Variants in RANBP17 observed in about 807,000 individuals in gnomAD.
RANBP17 encodes the protein ran-binding protein 17.
In RANBP17, 158 loss-of-function variants were observed where a neutral mutation model predicts 141.2. That is an observed-to-expected ratio of 1.12 (90% CI 0.98 to 1.28). The LOEUF (loss-of-function observed/expected upper bound fraction) is 1.28, where lower values mean the gene tolerates loss of function less well. Ranked by LOEUF, RANBP17 falls within the 50% of genes most tolerant of loss-of-function variation. The probability of loss-of-function intolerance (pLI) is 0.00; values close to 1 mark genes in which losing one functional copy is unlikely to be tolerated. For missense variants in RANBP17, 1,438 were observed against 1,290.7 expected, an observed-to-expected ratio of 1.11 and a Z score of -1.75; for synonymous variants, 430 against 450.0, an observed-to-expected ratio of 0.96 and a Z score of 0.56.
chr5:171,136,837 G>A (rs1757323889), intron 14 of RANBP17, among the ~76,000 whole-genome samples: 1 of 152,084 alleles, frequency 6.6e-6, no homozygotes, highest in Non-Finnish European at 1.5e-5. Flanking sequence ...TTGAAACTTG[G>A]AACTGTGAAG....
intron 14 of RANBP17, among the ~76,000 whole-genome samples, chr5:171,072,381 C>T (rs976968730): frequency 2.0e-5 from 3 of 150,988 alleles, no homozygotes; most frequent in African/African-American, 7.3e-5. Context: ...TGTTTTAAGA[C>T]ACCATATTTG....
chr5:171,093,215 C>CAAAA (rs5873253), intron 14 of RANBP17, among the ~76,000 whole-genome samples: 4,345 of 150,206 alleles, frequency 0.029, 108 homozygotes, highest in East Asian at 0.11. Context: ...AGTCTCCCCC[C>CAAAA]AAAAAAAAAA....
At chr5:171,064,259 C>G (rs1561612185) in intron 14 of RANBP17, among the ~76,000 whole-genome samples, 1 of 152,358 alleles carries the variant, frequency 6.6e-6, no homozygotes, top group South Asian at 2.1e-4. Flanking sequence ...CTGCGTCACT[C>G]ACGCTGGGAG....
chr5:170,946,694 T>C (rs766335177), intron 12 of RANBP17, among the ~76,000 whole-genome samples: 15 of 152,146 alleles, frequency 9.9e-5, no homozygotes, highest in Admixed American at 4.6e-4. Context: ...TTATTGACAC[T>C]GAACTCATAG....
chr5:171,055,880 C>CAA (rs72488636), intron 14 of RANBP17, among the ~76,000 whole-genome samples: 917 of 24,936 alleles, frequency 0.037, 85 homozygotes, highest in African/African-American at 0.069. Context: ...GTCCTGTTGC[C>CAA]AAAAAAAAAA....
chr5:171,113,761 T>C (rs1393450464), intron 14 of RANBP17, among the ~76,000 whole-genome samples: 1 of 152,160 alleles, frequency 6.6e-6, no homozygotes, highest in Non-Finnish European at 1.5e-5. Flanking sequence ...CAGGGACTTA[T>C]TAGAGATCCC....
chr5:171,161,109 T>C (rs929550387), intron 14 of RANBP17, among the ~76,000 whole-genome samples: 1 of 152,190 alleles, frequency 6.6e-6, no homozygotes, highest in Admixed American at 6.5e-5. Context: ...TTAAAAATCA[T>C]TCTGTCAAAT....
At chr5:171,042,028 A>T (rs1161165662) in intron 14 of RANBP17, among the ~76,000 whole-genome samples, 3 of 152,142 alleles carry the variant, frequency 2.0e-5, no homozygotes, top group Non-Finnish European at 2.9e-5. Context: ...TTTGCTGAGG[A>T]TAATGGCTTC....
intron 21 of RANBP17, among the ~76,000 whole-genome samples, chr5:171,218,453 T>G (rs1301523300): frequency 1.3e-5 from 2 of 152,188 alleles, no homozygotes; most frequent in African/African-American, 2.4e-5. Flanking sequence ...CTTGCTAATT[T>G]TCTGTCTCAT....
At chr5:171,204,338 GAGTT>G (rs1203099212) in intron 19 of RANBP17, among the ~76,000 whole-genome samples, 1 of 152,150 alleles carries the variant, frequency 6.6e-6, no homozygotes, top group Non-Finnish European at 1.5e-5. Flanking sequence ...ATACTTCTGA[GAGTT>G]AAACTATTAT....
In RANBP17 at chr5:170,924,373, C is replaced by G. The variant is rs1388781917; in HGVS notation, c.1291C>G (p.Pro431Ala). The change falls in exon 12 of 28, where the codon CCA (proline) becomes GCA (alanine). Residue 431 changes from proline (P) to alanine (A), a missense_variant. Physicochemically the swap from Pro to Ala is conservative, Grantham distance 27 (BLOSUM62 -1). Transcript: ENST00000523189. ...TGTTTGCAGAGATCACTTAGATGAT[C>G]CACTGGATGATACTGCCACTGTGTT... ...AIVVRDHLDD[P>A]LDDTATVFQQ... The G allele has an allele frequency of 1.9e-6, 3 of 1,590,452 alleles. No homozygotes were observed. Among genetic ancestry groups the G allele is most frequent in the East Asian group, 2.3e-5 (1 of 44,390 alleles).
chr5:170,962,243 T>G (rs1056916206), intron 13 of RANBP17, among the ~76,000 whole-genome samples: 1 of 152,330 alleles, frequency 6.6e-6, no homozygotes, highest in African/African-American at 2.4e-5. Context: ...CTGCTAAAAC[T>G]TCTTTGACAA....
chr5:171,153,613 CA>C (rs1758642237), intron 14 of RANBP17, among the ~76,000 whole-genome samples: 1 of 152,146 alleles, frequency 6.6e-6, no homozygotes, highest in Non-Finnish European at 1.5e-5. Context: ...GACTGACACC[CA>C]GGGGGTGCTT....
intron 25 of RANBP17, among the ~76,000 whole-genome samples, chr5:171,266,611 C>T (rs969710261): frequency 7.9e-5 from 12 of 151,996 alleles, no homozygotes; most frequent in Admixed American, 7.2e-4. Flanking sequence ...AGCAAGACCC[C>T]ATCTCTAAAA....
At chr5:171,107,637 G>C (rs146915522) in intron 14 of RANBP17, among the ~76,000 whole-genome samples, 26 of 152,192 alleles carry the variant, frequency 1.7e-4, no homozygotes, top group Admixed American at 8.5e-4. Flanking sequence ...CATGACTCTA[G>C]TCTCTTCTTA....
At chr5:171,135,848 G>T (rs62392983) in intron 14 of RANBP17, among the ~76,000 whole-genome samples, 1 of 152,110 alleles carries the variant, frequency 6.6e-6, no homozygotes, top group South Asian at 2.1e-4. Flanking sequence ...CTGTGTGCCT[G>T]GTAAATGAAA....
chr5:170,964,862 G>C (rs1421031469), intron 13 of RANBP17, among the ~76,000 whole-genome samples: 1 of 152,130 alleles, frequency 6.6e-6, no homozygotes, highest in Non-Finnish European at 1.5e-5. Context: ...AAACATACGT[G>C]TGCATGTGTC....
At chr5:171,186,986 C>G (rs1430406885) in intron 18 of RANBP17, among the ~76,000 whole-genome samples, 30 of 152,110 alleles carry the variant, frequency 2.0e-4, no homozygotes, top group Admixed American at 1.9e-3. Context: ...CCTATTAAAG[C>G]TTTTGACATG....
At chr5:171,149,920 C>T (rs1238294326) in intron 14 of RANBP17, among the ~76,000 whole-genome samples, 1 of 152,132 alleles carries the variant, frequency 6.6e-6, no homozygotes, top group Non-Finnish European at 1.5e-5. Context: ...AGTCTTCATC[C>T]TCTGTGTCAA....
Sources: gnomAD v4.1 joint callset for allele counts (sites outside exome capture counted in the v4.1 genomes callset) on GRCh38, gnomAD v4.1.1 for gene constraint, MANE v1.5 for transcripts, NCBI Gene and HGNC (gene_info 2026-07-23, HGNC 2026-07-21) for gene names.